PRKAG2: variants seen among roughly 807,000 people sequenced by gnomAD.
The protein encoded by PRKAG2 is 5'-AMP-activated protein kinase subunit gamma-2.
PRKAG2 carries 26 observed loss-of-function variants against 69.6 expected under a neutral mutation model. That is an observed-to-expected ratio of 0.37 (90% CI 0.27 to 0.52). The LOEUF (loss-of-function observed/expected upper bound fraction) is 0.52, where lower values mean the gene tolerates loss of function less well. PRKAG2 is among the 20% of genes least tolerant of loss of function. The pLI, the probability that PRKAG2 is intolerant of heterozygous loss-of-function variation, is 0.90. For missense variants in PRKAG2, 557 were observed against 740.0 expected, an observed-to-expected ratio of 0.75 and a Z score of 2.87; for synonymous variants, 293 against 285.0, an observed-to-expected ratio of 1.03 and a Z score of -0.28.
chr7:151,828,209 C>G lies in PRKAG2; in HGVS notation c.115-41668G>C, dbSNP rs1586678649. Among the ~76,000 whole-genome samples the G allele has an allele frequency of 6.6e-6, 1 of 152,218 alleles. No homozygotes were observed. Among genetic ancestry groups the G allele is most frequent in the East Asian group, 1.9e-4 (1 of 5,192 alleles). ...GTCTCCACGCTTTTGTGAGGAAGAG[C>G]TACCTCTCCTTCCCACAGAGCCTGG... On this transcript the variant is annotated intron_variant, in intron 1 of 15. Transcript: ENST00000287878. This position sits in a 1 kb window ranked among gnomAD's most constrained non-coding sequence, Gnocchi z 4.6.
chr7:151,749,452 GA>G (rs1433071582), intron 3 of PRKAG2, among the ~76,000 whole-genome samples: 5 of 152,188 alleles, frequency 3.3e-5, no homozygotes, highest in Admixed American at 3.3e-4. Flanking sequence ...ATATGAAGGT[GA>G]CGTTGGTCAT....
chr7:151,868,950 G>A (rs962295897), intron 1 of PRKAG2, among the ~76,000 whole-genome samples: 6 of 152,228 alleles, frequency 3.9e-5, no homozygotes, highest in South Asian at 4.1e-4. Context: ...TTACGTAAGC[G>A]AAGTCTGAGT....
chr7:151,756,143 G>A lies in PRKAG2; in HGVS notation c.466+25009C>T, dbSNP rs962439097. On this transcript the variant is annotated intron_variant, in intron 3 of 15. Coordinates refer to ENST00000287878, the MANE Select transcript of PRKAG2 (RefSeq NM_016203.4). This position sits in a 1 kb window ranked among gnomAD's most constrained non-coding sequence, Gnocchi z 4.9. ...ACAGGTCCCTCTGCCCCCAAAGCAG[G>A]TCTCGCCTCTGCACCATCGGTACAG... Among the ~76,000 whole-genome samples, 30 of 152,140 alleles carry A rather than the reference G, an allele frequency of 2.0e-4. No homozygotes were observed. Among genetic ancestry groups the A allele is most frequent in the African/African-American group, 7.0e-4 (29 of 41,440 alleles).
At chr7:151,840,559 C>A (rs2079252620) in intron 1 of PRKAG2, among the ~76,000 whole-genome samples, 1 of 152,166 alleles carries the variant, frequency 6.6e-6, no homozygotes, top group Non-Finnish European at 1.5e-5. Flanking sequence ...CCTGAGACTA[C>A]AGATGCATCT....
chr7:151,777,525 C>T lies in PRKAG2; in HGVS notation c.466+3627G>A, dbSNP rs890191225. ...CTTTAAAGACTCCAGTACCTCCCCC[C>T]TCTCTCTTGCTCCCTTGCGTGTGAG... On this transcript the variant is annotated intron_variant, in intron 3 of 15. Transcript: ENST00000287878. This position sits in a 1 kb window ranked among gnomAD's most constrained non-coding sequence, Gnocchi z 4.3. 1.3e-5 allele frequency among the ~76,000 whole-genome samples: 2 copies of T among 152,180 alleles called. No homozygotes were observed. Among genetic ancestry groups the T allele is most frequent in the Non-Finnish European group, 2.9e-5 (2 of 68,038 alleles).
rs1208128792 is a variant in PRKAG2, at chr7:151,782,425, GA to G, written c.187-995del. On this transcript the variant is annotated intron_variant, in intron 2 of 15. Coordinates refer to ENST00000287878, the MANE Select transcript of PRKAG2 (RefSeq NM_016203.4). ...GGAAGGAAGGAAGGAAGGAAGGAAG[GA>G]AAGAAAGAAGGAAAGAAGGAAGTTA... Among the ~76,000 whole-genome samples the G allele has an allele frequency of 3.1e-3, 181 of 58,064 alleles. 1 individual carries two copies. In the East Asian group the frequency reaches 0.046, roughly 15 times the overall value. 38.1% of individuals were successfully genotyped at this position (58,064 alleles called of 152,430 possible). A position where few individuals can be genotyped will look rare whatever the true frequency, so the allele number is the denominator to read the frequency against.
chr7:151,773,025 G>GAAAGAAAGACAGAA (rs762104825), intron 3 of PRKAG2, among the ~76,000 whole-genome samples: 3 of 39,984 alleles, frequency 7.5e-5, no homozygotes, highest in Non-Finnish European at 1.4e-4. Context: ...AAGAAAGAAA[G>GAAAGAAAGACAGAA]AGAGAGAGAG....
chr7:151,743,801 G>C (rs1315234833), intron 3 of PRKAG2, among the ~76,000 whole-genome samples: 3 of 152,226 alleles, frequency 2.0e-5, no homozygotes, highest in Non-Finnish European at 4.4e-5. Context: ...TTTTGTGGCT[G>C]TTCTGGAGCC....
chr7:151,675,732 G>A (rs1832824513), intron 3 of PRKAG2, 95 bp from the exon 4 acceptor site: 2 of 1,231,934 alleles, frequency 1.6e-6, no homozygotes, highest in African/African-American at 3.2e-5. Flanking sequence ...GGGAGATGGG[G>A]AGAGGTCAGA....
intron 3 of PRKAG2, among the ~76,000 whole-genome samples, chr7:151,757,141 C>G (rs1447744223): frequency 6.6e-6 from 1 of 152,108 alleles, no homozygotes; most frequent in Non-Finnish European, 1.5e-5. Context: ...TCCTCAGCCC[C>G]GGGAGCCCTT....
rs1563762540 is a variant in PRKAG2 at position 151,861,527 on chromosome 7, C to CAAAAAAAAAAAAAAA, written c.114+14979_114+14980insTTTTTTTTTTTTTTT. On this transcript the variant is annotated intron_variant, in intron 1 of 15. Coordinates refer to ENST00000287878, the MANE Select transcript of PRKAG2 (RefSeq NM_016203.4). Reference sequence around the variant, plus strand: ...TGGGTGACAGAATAAGACTCTGTCTCCAAAAAAAAAAAAAAAAAAAAGAAT... The same window carrying CAAAAAAAAAAAAAAA: ...TGGGTGACAGAATAAGACTCTGTCTCAAAAAAAAAAAAAAACAAAAAAAAAAAAAAAAAAAAGAAT... Among the ~76,000 whole-genome samples the CAAAAAAAAAAAAAAA allele has an allele frequency of 2.2e-4, 13 of 60,396 alleles. 1 individual carries two copies. The highest frequency in any genetic ancestry group is 7.4e-4 in the African/African-American group (11 of 14,848). 39.6% of individuals were successfully genotyped at this position (60,396 alleles called of 152,430 possible).
chr7:151,636,159 C>A (rs905596885), intron 4 of PRKAG2, among the ~76,000 whole-genome samples: 1 of 152,098 alleles, frequency 6.6e-6, no homozygotes, highest in Non-Finnish European at 1.5e-5. Context: ...CCAAAAAAAT[C>A]TTTACTGAAA....
At chr7:151,736,124 T>C in intron 3 of PRKAG2, 1 of 1,479,940 alleles carries the variant, frequency 6.8e-7, no homozygotes, top group Non-Finnish European at 8.9e-7. Flanking sequence ...AAGCTCAGAG[T>C]GGCAGCCTGT....
chr7:151,773,050 A>AAG (rs2076139851), intron 3 of PRKAG2, among the ~76,000 whole-genome samples: 1 of 32,618 alleles, frequency 3.1e-5, no homozygotes, highest in South Asian at 1.2e-3. Context: ...AGAGAGAGAG[A>AAG]GAGGGAGGGA....
chr7:151,868,658 C>T (rs1356286006), intron 1 of PRKAG2, among the ~76,000 whole-genome samples: 2 of 152,214 alleles, frequency 1.3e-5, no homozygotes, highest in Non-Finnish European at 2.9e-5. Context: ...TTCATTGGTC[C>T]CATTTTGGCC....
intron 3 of PRKAG2, among the ~76,000 whole-genome samples, chr7:151,706,146 C>T (rs1265468012): frequency 6.6e-6 from 1 of 152,222 alleles, no homozygotes; most frequent in Non-Finnish European, 1.5e-5. Flanking sequence ...ACAGAGAAGA[C>T]CCTGGGACAT....
In PRKAG2 at chr7:151,620,516, T is replaced by C. The variant is rs575083518; in HGVS notation, c.754+11553A>G. Among the ~76,000 whole-genome samples the C allele has an allele frequency of 1.2e-4, 19 of 152,144 alleles. No individual in the cohort carries two copies. In the South Asian group the frequency reaches 3.9e-3, roughly 32 times the overall value. ...TTTTTGAGATAAGGTCTCACTCTGT[T>C]GCCCAGGCTAGAGTGCAGTGGCATG... On this transcript the variant is annotated intron_variant, in intron 5 of 15. Coordinates refer to ENST00000287878, the MANE Select transcript of PRKAG2 (RefSeq NM_016203.4).
intron 4 of PRKAG2, chr7:151,674,875 C>G (rs1002749060): frequency 6.1e-6 from 1 of 164,104 alleles, no homozygotes; most frequent in South Asian, 1.6e-4. Context: ...GGAAAAAAAC[C>G]TCCTCCTGGT....
rs1288112666 is a variant in PRKAG2, at chr7:151,777,268, C to T, written c.466+3884G>A. On this transcript the variant is annotated intron_variant, in intron 3 of 15. Coordinates refer to ENST00000287878, the MANE Select transcript of PRKAG2 (RefSeq NM_016203.4). This position sits in a 1 kb window ranked among gnomAD's most constrained non-coding sequence, Gnocchi z 4.3. ...CATCCCCAGGCCTGTGCCTGCGTTC[C>T]CTCACTGTGAGCACAGTGTCTGCTG... Among the ~76,000 whole-genome samples, 1 of 152,224 alleles carries T rather than the reference C, an allele frequency of 6.6e-6. No individual in the cohort carries two copies.
Sources: allele counts gnomAD v4.1 joint callset (sites outside exome capture counted in the v4.1 genomes callset), GRCh38; gene constraint gnomAD v4.1.1; non-coding constraint Gnocchi (gnomAD v3.1); transcripts MANE v1.5; gene names NCBI Gene and HGNC (gene_info 2026-07-23, HGNC 2026-07-21).